The following CEP170B variants were observed in gnomAD, a reference collection of about 807,000 sequenced individuals.
The protein encoded by CEP170B is centrosomal protein 170B, also known as centrosomal protein of 170 kDa protein B.
Under a neutral mutation model 120.6 loss-of-function variants are expected in CEP170B, and 55 were observed. The observed-to-expected ratio is 0.46, with a 90% CI of 0.37 to 0.57. CEP170B has a LOEUF of 0.57. Ranked by LOEUF, CEP170B falls within the 20% of genes least tolerant of loss-of-function variation. The pLI is 0.00. For synonymous variants in CEP170B, 1,033 were observed against 954.5 expected (o/e 1.08, Z -1.52); for missense variants, 2,212 against 2,253.3 (o/e 0.98, Z 0.37).
chr14:104,883,832 C>T lies in CEP170B; in HGVS notation c.1053C>T (p.Gly351=), dbSNP rs781732041. Residue 351 remains glycine, a splice_region_variant and synonymous_variant, in exon 9 of 19, where the codon GGC becomes GGT. Coordinates refer to ENST00000414716, the MANE Select transcript of CEP170B (RefSeq NM_001112726.3). ...GGTGGGGTCCCCTGTCTCCCCCAGG[C>T]CACAAGCACGAGGACGGCACGCAGA... ...DLPVHTRTLK[G]HKHEDGTQSD... 1.3e-6 allele frequency: 2 copies of T among 1,545,386 alleles called. No individual in the cohort carries two copies. Among genetic ancestry groups the T allele is most frequent in the Non-Finnish European group, 8.7e-7 (1 of 1,145,330 alleles).
At chr14:104,881,151 C>T (rs2582558) in intron 6 of CEP170B, among the ~76,000 whole-genome samples, 75,137 of 151,964 alleles carry the variant, frequency 0.49, 19,569 homozygotes, top group Middle Eastern at 0.76. Flanking sequence ...ACCTGATTTG[C>T]GCCTTTGGCA....
At position 104,884,099 on chromosome 14, in the gene CEP170B, G is replaced by C; in HGVS notation, c.1320G>C (p.Pro440=). The C allele has an allele frequency of 1.3e-6, 2 of 1,583,474 alleles. No individual in the cohort carries two copies. Among genetic ancestry groups the C allele is most frequent in the Non-Finnish European group, 1.7e-6 (2 of 1,165,260 alleles). ...PKADKRRGPT[P]ADRDRPSVPA... is the part of the protein sequence containing the mutation. ...CCGACAAGCGCCGTGGCCCAACGCCGGCCGATAGGGACCGCCCCAGTGTCC... is the reference window on the plus strand; with the variant it reads ...CCGACAAGCGCCGTGGCCCAACGCCCGCCGATAGGGACCGCCCCAGTGTCC... Residue 440 remains proline (P), a synonymous_variant, in exon 9 of 19, where the codon CCG becomes CCC. Coordinates refer to ENST00000414716, the MANE Select transcript of CEP170B (RefSeq NM_001112726.3).
intron 11 of CEP170B, 30 bp from the exon 12 acceptor site, chr14:104,886,245 C>T (rs1426010690): frequency 2.0e-6 from 3 of 1,489,090 alleles, no homozygotes; most frequent in Middle Eastern, 1.8e-4. Flanking sequence ...GACCAGCGGC[C>T]CTCTAACCGG....
chr14:104,886,892 C>T lies in CEP170B; in HGVS notation c.2653C>T (p.His885Tyr). 2 of 1,610,538 alleles carry T rather than the reference C, an allele frequency of 1.2e-6. No homozygotes were observed. Among genetic ancestry groups the T allele is most frequent in the Non-Finnish European group, 8.5e-7 (1 of 1,179,814 alleles). ...TCCCCCAGCGCCCGGCAAGCCCCCC[C>T]ACATCTCCAGCCACCCGCTTCTACA... ...SGPPAPGKPP[H>Y]ISSHPLLQDL... is the part of the protein sequence containing the mutation. Residue 885 changes from histidine to tyrosine, a missense_variant, in exon 12 of 19, where the codon CAC (histidine) becomes TAC (tyrosine). Transcript: ENST00000414716.
At chr14:104,880,747 C>T (rs971314170) in intron 6 of CEP170B, among the ~76,000 whole-genome samples, 5 of 151,766 alleles carry the variant, frequency 3.3e-5, no homozygotes, top group Non-Finnish European at 7.4e-5. Flanking sequence ...ACCACTCACC[C>T]CTGTGCACAC....
intron 5 of CEP170B, 103 bp from the exon 6 acceptor site, chr14:104,880,184 G>C: frequency 6.8e-7 from 1 of 1,466,994 alleles, no homozygotes; most frequent in Non-Finnish European, 9.2e-7. Context: ...GACATGCAAA[G>C]TCATAGCTGG....
Position 104,865,282 on chromosome 14 carries a change from C to G in CEP170B, c.-259C>G, listed in dbSNP as rs1372193221. 2.7e-5 allele frequency: 4 copies of G among 146,112 alleles called. No homozygotes were observed. The highest frequency in any genetic ancestry group is 9.9e-5 in the African/African-American group (4 of 40,556). 9.1% of individuals were successfully genotyped at this position (146,112 alleles called of 1,614,324 possible). On this transcript the variant is annotated 5_prime_UTR_variant, in exon 1 of 19. Transcript: ENST00000414716. This position sits in a 1 kb window ranked among gnomAD's most constrained non-coding sequence, Gnocchi z 6.7. ...GAGCCTCCCGCAGACGTCAGGGACCCGCGCGCGAGGCCGCCGGCGGCCGCT... is the reference window on the plus strand; with the variant it reads ...GAGCCTCCCGCAGACGTCAGGGACCGGCGCGCGAGGCCGCCGGCGGCCGCT...
chr14:104,868,398 C>T lies in CEP170B; in HGVS notation c.-27-26C>T, dbSNP rs1046666907. 18 of 1,493,242 alleles carry T rather than the reference C, an allele frequency of 1.2e-5. No homozygotes were observed. Among genetic ancestry groups the T allele is most frequent in the South Asian group, 1.1e-4 (9 of 82,444 alleles). The allele number at this position is 1,493,242 out of a possible 1,614,324, so 92.5% of individuals were successfully genotyped here. ...GGCTAAGAACCAGGCCAGGGAGCCC[C>T]ACTCTAACAATCCCCTCTTCCCCAG... On this transcript the variant is annotated intron_variant, in intron 1 of 18. Transcript: ENST00000414716. The surrounding 1 kb of genome is among the most constrained non-coding windows in gnomAD (Gnocchi z 5.9).
intron 5 of CEP170B, 112 bp downstream of exon 5, chr14:104,878,613 G>A (rs571077045): frequency 4.3e-5 from 51 of 1,188,914 alleles, no homozygotes; most frequent in South Asian, 3.0e-4. Flanking sequence ...CCTCTGGGGC[G>A]CCCTGTTCAG....
Position 104,882,788 on chromosome 14 carries a change from G to A in CEP170B, c.533G>A (p.Gly178Asp). 3 of 1,612,398 alleles carry A rather than the reference G, an allele frequency of 1.9e-6. No individual in the cohort carries two copies. The highest frequency in any genetic ancestry group is 2.5e-6 in the Non-Finnish European group (3 of 1,179,708). The change falls in exon 7 of 19, where the codon GGT becomes GAT. Residue 178 changes from glycine (G) to aspartate (D), a missense_variant. By Grantham distance (94) the Gly-to-Asp change is moderately conservative. Around this residue, in one of 2 missense-constraint regions of CEP170B, gnomAD observed 2,166 missense variants for 2,166.7 expected, o/e 1.00. Coordinates refer to ENST00000414716, the MANE Select transcript of CEP170B (RefSeq NM_001112726.3). ...CCCTCCTGGTGGGGTGAGGACGATG[G>A]TAGCACGCTGCCTGACGCCCAGCGC... is the stretch of plus-strand genomic sequence containing the variant. The part of the protein sequence containing the change: ...GQPSWWGEDD[G>D]STLPDAQRQG...
intron 4 of CEP170B, 67 bp from the exon 5 acceptor site, chr14:104,878,376 C>T (rs1895972044): frequency 4.6e-6 from 7 of 1,527,274 alleles, no homozygotes; most frequent in Non-Finnish European, 6.3e-6. Flanking sequence ...ACACCTGTTG[C>T]TGGGCGTGGA....
At position 104,896,348 on chromosome 14, in the gene CEP170B, G is replaced by T. The variant is rs192796967; in HGVS notation, c.*1390G>T. 1.8e-5 allele frequency: 6 copies of T among 338,656 alleles called. No individual in the cohort carries two copies. Among genetic ancestry groups the T allele is most frequent in the Non-Finnish European group, 3.5e-5 (6 of 169,630 alleles). The allele number at this position is 338,656 out of a possible 1,614,324, so 21.0% of individuals were successfully genotyped here. Reference sequence around the variant, plus strand: ...GTGTGAGGGGGGGCGGGGGTGGCAGGTGTCCCCCCCTGGTCCCCGCCCCAA... The same window carrying T: ...GTGTGAGGGGGGGCGGGGGTGGCAGTTGTCCCCCCCTGGTCCCCGCCCCAA... On this transcript the variant is annotated 3_prime_UTR_variant, in exon 19 of 19. Coordinates refer to ENST00000414716, the MANE Select transcript of CEP170B (RefSeq NM_001112726.3).
In CEP170B at chr14:104,894,373, A is replaced by G. The variant is rs1313493008; in HGVS notation, c.4360A>G (p.Asn1454Asp). ...CGAGGTGCCCATCCTGAAGACATCT[A>G]ACAAGGTGAGCGCTGGGGCCCCGTG... ...ENEVPILKTS[N>D]KEISSILKEL... The change falls in exon 17 of 19, where the codon AAC becomes GAC. Residue 1454 changes from asparagine (N) to aspartate (D), a missense_variant. By Grantham distance (23) the Asn-to-Asp change is conservative. Around this residue, in one of 2 missense-constraint regions of CEP170B, gnomAD observed 2,166 missense variants for 2,166.7 expected, o/e 1.00. Transcript: ENST00000414716. The G allele has an allele frequency of 6.2e-7, 1 of 1,613,270 alleles. No homozygotes were observed. The highest frequency in any genetic ancestry group is 1.1e-5 in the South Asian group (1 of 91,076).
chr14:104,887,015 G>T lies in CEP170B; in HGVS notation c.2776G>T (p.Ala926Ser). The change falls in exon 12 of 19, where the codon GCC (alanine) becomes TCC (serine). Residue 926 changes from alanine to serine, a missense_variant. Transcript: ENST00000414716. The part of the protein sequence containing the change: ...ETETALAALE[A>S]RLLSNSVDAE... ...GGAGACGGCCCTGGCGGCCCTGGAG[G>T]CCCGACTCCTCTCTAATTCTGTGGA... 2 of 1,610,430 alleles carry T rather than the reference G, an allele frequency of 1.2e-6. No homozygotes were observed. Among genetic ancestry groups the T allele is most frequent in the Non-Finnish European group, 1.7e-6 (2 of 1,179,822 alleles).
intron 13 of CEP170B, 111 bp downstream of exon 13, chr14:104,889,869 G>C: frequency 8.7e-7 from 1 of 1,145,286 alleles, no homozygotes. Flanking sequence ...TGGATAGATG[G>C]TACGGCAGAT....
Position 104,883,855 on chromosome 14 carries a change from A to G in CEP170B, c.1076A>G (p.Gln359Arg). Residue 359 changes from glutamine to arginine, a missense_variant, in exon 9 of 19, where the codon CAG becomes CGG. Around this residue, in one of 2 missense-constraint regions of CEP170B, gnomAD observed 2,166 missense variants for 2,166.7 expected, o/e 1.00. Transcript: ENST00000414716. Reference protein sequence around the residue: ...LKGHKHEDGTQSDSEDPLAKA... With the variant: ...LKGHKHEDGTRSDSEDPLAKA... ...GGCCACAAGCACGAGGACGGCACGC[A>G]GAGTGACTCAGAGGACCCCCTGGCC... 1 of 1,567,554 alleles carries G rather than the reference A, an allele frequency of 6.4e-7. No homozygotes were observed. The highest frequency in any genetic ancestry group is 8.6e-7 in the Non-Finnish European group (1 of 1,157,118).
rs564783249 is a variant in CEP170B, at chr14:104,887,670, G to A, written c.3431G>A (p.Arg1144Gln). The A allele has an allele frequency of 2.3e-4, 362 of 1,572,094 alleles. 5 individuals are homozygous for A. The South Asian group carries it at 2.5e-3, about 11-fold the overall frequency. Residue 1144 changes from arginine (R) to glutamine (Q), a missense_variant, in exon 12 of 19, where the codon CGG becomes CAG. Physicochemically the swap from Arg to Gln is conservative, Grantham distance 43. Around this residue, in one of 2 missense-constraint regions of CEP170B, gnomAD observed 2,166 missense variants for 2,166.7 expected, o/e 1.00. Transcript: ENST00000414716. ...ASDTEAADGERGSLGNPEPVG... is the reference protein window; with the variant it reads ...ASDTEAADGEQGSLGNPEPVG... ...GACACTGAGGCTGCGGATGGTGAGC[G>A]GGGGTCCCTGGGCAACCCTGAGCCC...
At chr14:104,878,706 C>G (rs1050401238) in intron 5 of CEP170B, among the ~76,000 whole-genome samples, 4 of 146,762 alleles carry the variant, frequency 2.7e-5, no homozygotes, top group African/African-American at 9.7e-5. Context: ...GTCATTACCC[C>G]CAGCCTGCTG....
Position 104,893,856 on chromosome 14 carries a change from C to A in CEP170B, c.4271+7C>A, listed in dbSNP as rs1193755514. On this transcript the variant is annotated splice_region_variant and intron_variant, in intron 16 of 18. Transcript: ENST00000414716. ...ACCTTGCCGAGAAGATGAAGTGAGTCGGCTTCCTGGCTGAGGTGGACGCCC... is the reference window on the plus strand; with the variant it reads ...ACCTTGCCGAGAAGATGAAGTGAGTAGGCTTCCTGGCTGAGGTGGACGCCC... 3.1e-6 allele frequency: 5 copies of A among 1,609,516 alleles called. No homozygotes were observed. The highest frequency in any genetic ancestry group is 4.2e-6 in the Non-Finnish European group (5 of 1,178,364).
Sources: gnomAD v4.1 joint callset for allele counts (sites outside exome capture counted in the v4.1 genomes callset) on GRCh38, gnomAD v4.1.1 for gene constraint, gnomAD v4.1.1 regional missense constraint, Gnocchi (gnomAD v3.1) non-coding constraint, MANE v1.5 for transcripts, NCBI Gene and HGNC (gene_info 2026-07-23, HGNC 2026-07-21) for gene names.